SLC4A10: variants seen among roughly 807,000 people sequenced by gnomAD.
SLC4A10 encodes solute carrier family 4 member 10.
Under a neutral mutation model 137.7 loss-of-function variants are expected in SLC4A10, and 42 were observed. That is an observed-to-expected ratio of 0.30 (90% CI 0.24 to 0.39). The LOEUF (loss-of-function observed/expected upper bound fraction) is 0.39, where lower values mean the gene tolerates loss of function less well. Ranked by LOEUF, SLC4A10 falls within the 10% of genes least tolerant of loss-of-function variation. SLC4A10 has a pLI of 1.00. For missense variants in SLC4A10, 925 were observed against 1,355.0 expected, an observed-to-expected ratio of 0.68 and a Z score of 4.98; for synonymous variants, 474 against 464.1, an observed-to-expected ratio of 1.02 and a Z score of -0.27.
Position 161,642,750 on chromosome 2 carries a change from C to T in SLC4A10, c.48+18184C>T, listed in dbSNP as rs1048410956. On this transcript the variant is annotated intron_variant, in intron 1 of 26. Coordinates refer to ENST00000446997, the MANE Select transcript of SLC4A10 (RefSeq NM_001178015.2). ...AATCATAGGCATAAGAAAAATATTGCACTGCTTTGATCGTAATATCTTCAT... is the reference window on the plus strand; with the variant it reads ...AATCATAGGCATAAGAAAAATATTGTACTGCTTTGATCGTAATATCTTCAT... Among the ~76,000 whole-genome samples the T allele has an allele frequency of 2.8e-4, 42 of 151,896 alleles. 1 individual carries two copies. The highest frequency in any genetic ancestry group is 4.4e-5 in the Non-Finnish European group (3 of 67,840).
chr2:161,697,948 G>T (rs2042719492), intron 1 of SLC4A10, among the ~76,000 whole-genome samples: 1 of 152,210 alleles, frequency 6.6e-6, no homozygotes, highest in Non-Finnish European at 1.5e-5. Flanking sequence ...AGCATAGAAT[G>T]TTTTTCCATT....
chr2:161,884,100 A>G (rs1477266267), intron 10 of SLC4A10, among the ~76,000 whole-genome samples: 6 of 152,208 alleles, frequency 3.9e-5, no homozygotes, highest in Admixed American at 6.6e-5. Flanking sequence ...CACCTGATTT[A>G]GCAGAACTCT....
chr2:161,722,225 G>A (rs764706430), intron 1 of SLC4A10, among the ~76,000 whole-genome samples: 7 of 152,160 alleles, frequency 4.6e-5, no homozygotes, highest in Admixed American at 2.6e-4. Flanking sequence ...TGCTCTTGCT[G>A]GAGAGACGTT....
chr2:161,628,481 A>G (rs545684130), intron 1 of SLC4A10, among the ~76,000 whole-genome samples: 26 of 152,054 alleles, frequency 1.7e-4, no homozygotes, highest in Non-Finnish European at 3.5e-4. Flanking sequence ...GAATTGTTTT[A>G]TTTGTGGAAA....
intron 3 of SLC4A10, among the ~76,000 whole-genome samples, chr2:161,830,227 C>CTATATTT (rs2058346273): frequency 6.6e-6 from 1 of 151,178 alleles, no homozygotes; most frequent in African/African-American, 2.4e-5. Context: ...ATATGTTTCC[C>CTATATTT]TATATTTTAA....
At chr2:161,977,846 C>G in intron 26 of SLC4A10, 86 bp downstream of exon 26, 1 of 1,311,862 alleles carries the variant, frequency 7.6e-7, no homozygotes, top group Non-Finnish European at 1.0e-6. Flanking sequence ...AGTCTATGTC[C>G]TCTGTGTGAG....
At chr2:161,891,966 G>A (rs2062974911) in intron 10 of SLC4A10, among the ~76,000 whole-genome samples, 6 of 151,964 alleles carry the variant, frequency 3.9e-5, no homozygotes, top group Admixed American at 3.9e-4. Flanking sequence ...GGGGGTCAGG[G>A]AAGTCTGATA....
At chr2:161,852,755 A>ACAAAATTTTAAAAAAATTTTAAAAAC (rs2059902686) in intron 4 of SLC4A10, among the ~76,000 whole-genome samples, 1 of 152,184 alleles carries the variant, frequency 6.6e-6, no homozygotes, top group African/African-American at 2.4e-5. Flanking sequence ...GGCTCTGGAG[A>ACAAAATTTTAAAAAAATTTTAAAAAC]AAAACAAAAT....
At chr2:161,642,803 A>T (rs770729908) in intron 1 of SLC4A10, among the ~76,000 whole-genome samples, 12 of 151,992 alleles carry the variant, frequency 7.9e-5, no homozygotes, top group Non-Finnish European at 1.5e-4. Flanking sequence ...CATGAAAAAT[A>T]GGTCAGTACA....
intron 24 of SLC4A10, among the ~76,000 whole-genome samples, chr2:161,976,167 T>C (rs1157205436): frequency 1.3e-5 from 2 of 152,222 alleles, no homozygotes; most frequent in African/African-American, 4.8e-5. Context: ...CACAGATTGT[T>C]TTCAATAATT....
chr2:161,948,656 G>A (rs906686052), intron 17 of SLC4A10, among the ~76,000 whole-genome samples: 2 of 152,032 alleles, frequency 1.3e-5, no homozygotes, highest in African/African-American at 2.4e-5. Context: ...CCACTCTGTT[G>A]TGTACATTCC....
At chr2:161,866,072 G>A (rs1035178360) in intron 6 of SLC4A10, among the ~76,000 whole-genome samples, 6 of 151,934 alleles carry the variant, frequency 3.9e-5, no homozygotes, top group Non-Finnish European at 8.8e-5. Context: ...GTAGAAATAA[G>A]TCCCCGTTTC....
chr2:161,935,087 T>C (rs1691338108), intron 15 of SLC4A10, among the ~76,000 whole-genome samples: 1 of 152,190 alleles, frequency 6.6e-6, no homozygotes, highest in African/African-American at 2.4e-5. Context: ...AGGGTCTGAT[T>C]TCATTCTTCC....
chr2:161,710,659 T>C (rs763553879), intron 1 of SLC4A10: 44 of 453,226 alleles, frequency 9.7e-5, no homozygotes, highest in Non-Finnish European at 1.7e-4. Context: ...ATTGTAAACT[T>C]GCCCAGTAAT....
At chr2:161,728,632 T>C (rs903965455) in intron 1 of SLC4A10, among the ~76,000 whole-genome samples, 2 of 152,032 alleles carry the variant, frequency 1.3e-5, no homozygotes, top group Non-Finnish European at 2.9e-5. Context: ...TAAAAATTAA[T>C]GAAGTAATAA....
At chr2:161,633,069 A>C (rs1421624810) in intron 1 of SLC4A10, among the ~76,000 whole-genome samples, 1 of 151,490 alleles carries the variant, frequency 6.6e-6, no homozygotes, top group Non-Finnish European at 1.5e-5. Flanking sequence ...CCAGGGTGCA[A>C]AATCTATGGA....
intron 1 of SLC4A10, among the ~76,000 whole-genome samples, chr2:161,646,249 C>T (rs1363466729): frequency 6.6e-6 from 1 of 151,944 alleles, no homozygotes; most frequent in Non-Finnish European, 1.5e-5. Context: ...TTTTATGACT[C>T]GTAGTGATAA....
At chr2:161,870,854 A>G (rs2061073814) in intron 6 of SLC4A10, among the ~76,000 whole-genome samples, 1 of 151,856 alleles carries the variant, frequency 6.6e-6, no homozygotes, top group Non-Finnish European at 1.5e-5. Context: ...TATTTTAAAA[A>G]GTCATTTTAT....
At chr2:161,969,852 G>T (rs1010151610) in intron 23 of SLC4A10, among the ~76,000 whole-genome samples, 16 of 152,206 alleles carry the variant, frequency 1.1e-4, no homozygotes, top group Admixed American at 1.0e-3. Flanking sequence ...ATTGGTTATG[G>T]ATTTGGGAAG....
Sources: gnomAD v4.1 joint callset for allele counts (sites outside exome capture counted in the v4.1 genomes callset) on GRCh38, gnomAD v4.1.1 for gene constraint, MANE v1.5 for transcripts, NCBI Gene and HGNC (gene_info 2026-07-23, HGNC 2026-07-21) for gene names.